Variants in TRDN observed in about 807,000 individuals in gnomAD.
The protein encoded by TRDN is triadin.
Under a neutral mutation model 149.7 loss-of-function variants are expected in TRDN, and 161 were observed. The ratio of observed to expected loss-of-function variants is 1.08; its 90% confidence interval spans 0.95 to 1.23. The LOEUF (loss-of-function observed/expected upper bound fraction) is 1.23. Ranked by LOEUF, TRDN falls within the 50% of genes most tolerant of loss-of-function variation. The probability of loss-of-function intolerance (pLI) is 0.00; values close to 1 mark genes in which losing one functional copy is unlikely to be tolerated. For missense variants in TRDN, 896 were observed against 823.5 expected, an observed-to-expected ratio of 1.09 and a Z score of -1.08; for synonymous variants, 294 against 250.5, an observed-to-expected ratio of 1.17 and a Z score of -1.64.
At chr6:123,317,633 C>T (rs995091274) in intron 23 of TRDN, among the ~76,000 whole-genome samples, 7 of 151,704 alleles carry the variant, frequency 4.6e-5, no homozygotes, top group Admixed American at 1.3e-4. Context: ...GTAGATACAC[C>T]CTATTTTAAT....
Position 123,222,978 on chromosome 6 carries a change from T to C in TRDN, c.2014+1115A>G, listed in dbSNP as rs1036160954. Among the ~76,000 whole-genome samples, 8 of 151,878 alleles carry C rather than the reference T, an allele frequency of 5.3e-5. No individual in the cohort carries two copies. The East Asian group carries it at 7.8e-4, about 15-fold the overall frequency. The stretch of plus-strand genomic sequence containing the variant: ...CTCACACCAGTAAGCATGGCTATTA[T>C]GAAAAAGTCAAAAAATAACATATGT... On this transcript the variant is annotated intron_variant, in intron 39 of 40. Coordinates refer to ENST00000334268, the MANE Select transcript of TRDN (RefSeq NM_006073.4).
At chr6:123,417,302 C>A (rs1041411274) in intron 12 of TRDN, among the ~76,000 whole-genome samples, 1 of 149,380 alleles carries the variant, frequency 6.7e-6, no homozygotes, top group East Asian at 1.9e-4. Context: ...GCCTAAAATC[C>A]TACAATATAA....
At chr6:123,561,417 C>T (rs1027933116) in intron 2 of TRDN, among the ~76,000 whole-genome samples, 1 of 152,114 alleles carries the variant, frequency 6.6e-6, no homozygotes, top group Admixed American at 6.6e-5. Context: ...GGTCTGTCCT[C>T]GGAATGCTAC....
intron 13 of TRDN, among the ~76,000 whole-genome samples, chr6:123,388,827 A>G (rs527873687): frequency 2.6e-5 from 4 of 152,170 alleles, no homozygotes; most frequent in Non-Finnish European, 5.9e-5. Context: ...GTGTAAATTC[A>G]TTTTAGATTT....
At chr6:123,351,619 T>TA in intron 21 of TRDN, 1 of 963,052 alleles carries the variant, frequency 1.0e-6, no homozygotes, top group Non-Finnish European at 1.2e-6. Context: ...TTCTTAACCT[T>TA]AGTTTACTTA....
chr6:123,360,415 C>T (rs187239796), intron 20 of TRDN, among the ~76,000 whole-genome samples: 1 of 152,236 alleles, frequency 6.6e-6, no homozygotes, highest in Admixed American at 6.5e-5. Context: ...AAATAAAGGC[C>T]AGTCATATGG....
chr6:123,321,722 A>G (rs1297431226), intron 23 of TRDN, among the ~76,000 whole-genome samples: 3 of 152,026 alleles, frequency 2.0e-5, no homozygotes, highest in Admixed American at 2.0e-4. Context: ...GCTTGACTTC[A>G]ATGTTTCAGA....
chr6:123,390,178 GCAACCTGA>G (rs1327251757), intron 13 of TRDN, among the ~76,000 whole-genome samples: 1 of 151,978 alleles, frequency 6.6e-6, no homozygotes, highest in Non-Finnish European at 1.5e-5. Context: ...CATCTAAAGG[GCAACCTGA>G]CAAAGGCCTT....
intron 24 of TRDN, among the ~76,000 whole-genome samples, chr6:123,299,084 T>C (rs982166582): frequency 6.6e-6 from 1 of 152,032 alleles, no homozygotes; most frequent in African/African-American, 2.4e-5. Context: ...ATTGTTAAGA[T>C]TTATTAAACT....
chr6:123,533,515 T>C (rs992576495), intron 4 of TRDN, among the ~76,000 whole-genome samples: 19 of 152,038 alleles, frequency 1.2e-4, no homozygotes, highest in Admixed American at 9.2e-4. Flanking sequence ...TTGTTGATCA[T>C]AGTAGGGTTT....
chr6:123,259,186 G>A (rs557210545), intron 35 of TRDN, among the ~76,000 whole-genome samples: 102 of 151,898 alleles, frequency 6.7e-4, no homozygotes, highest in African/African-American at 2.4e-3. Context: ...GCTAGCTTTC[G>A]AATTTGTTTG....
At chr6:123,589,018 A>G (rs1562410773) in intron 1 of TRDN, among the ~76,000 whole-genome samples, 1 of 152,136 alleles carries the variant, frequency 6.6e-6, no homozygotes, top group Non-Finnish European at 1.5e-5. Context: ...AATTAACAGG[A>G]CCCATGAAAA....
At chr6:123,356,481 T>G (rs998418860) in intron 20 of TRDN, among the ~76,000 whole-genome samples, 10 of 145,230 alleles carry the variant, frequency 6.9e-5, no homozygotes, top group Non-Finnish European at 1.1e-4. Context: ...TTTAGACCTA[T>G]GCCTCTAGGT....
At chr6:123,580,272 C>G (rs1783058533) in intron 1 of TRDN, among the ~76,000 whole-genome samples, 1 of 151,928 alleles carries the variant, frequency 6.6e-6, no homozygotes. Flanking sequence ...TTTCTACAAA[C>G]AGTAAATTGA....
intron 40 of TRDN, among the ~76,000 whole-genome samples, chr6:123,220,508 C>T (rs139132625): frequency 6.6e-6 from 1 of 151,650 alleles, no homozygotes; most frequent in Non-Finnish European, 1.5e-5. Context: ...TAATATTACT[C>T]AAAGTATCAT....
chr6:123,493,795 C>A (rs1778321254), intron 9 of TRDN, among the ~76,000 whole-genome samples: 1 of 152,186 alleles, frequency 6.6e-6, no homozygotes, highest in South Asian at 2.1e-4. Flanking sequence ...GTCAATGTCT[C>A]ACCACTTACA....
chr6:123,221,482 C>T lies in TRDN; in HGVS notation c.2050+5G>A. The T allele has an allele frequency of 6.4e-7, 1 of 1,551,422 alleles. No homozygotes were observed. Among genetic ancestry groups the T allele is most frequent in the Non-Finnish European group, 8.8e-7 (1 of 1,130,966 alleles). On this transcript the variant is annotated splice_donor_5th_base_variant and intron_variant, in intron 40 of 40. Coordinates refer to ENST00000334268, the MANE Select transcript of TRDN (RefSeq NM_006073.4). ...TTATTACTTTTAATCTCATTATAAA[C>T]TTACTTTTCTGCTTTGTGGGAGACA...
chr6:123,266,723 ATATAT>A (rs1310859935), intron 32 of TRDN, among the ~76,000 whole-genome samples: 3 of 72,524 alleles, frequency 4.1e-5, no homozygotes, highest in African/African-American at 1.0e-4. Context: ...AATATATATG[ATATAT>A]TATATATGTA....
rs1483937753 is a variant in TRDN, at chr6:123,528,889, T to C, written c.484+1617A>G. On this transcript the variant is annotated intron_variant, in intron 5 of 40. Transcript: ENST00000334268. ...CTACTTTCACTTTCTTAAGAAATAG[T>C]TACTTTTACAAAACATATTTGGTCT... is the stretch of plus-strand genomic sequence containing the variant. 2.9e-6 allele frequency: 3 copies of C among 1,035,378 alleles called. No homozygotes were observed. In the African/African-American group the frequency reaches 5.1e-5, roughly 17 times the overall value. 64.1% of individuals were successfully genotyped at this position (1,035,378 alleles called of 1,614,324 possible).
Sources: allele counts gnomAD v4.1 joint callset (sites outside exome capture counted in the v4.1 genomes callset), GRCh38; gene constraint gnomAD v4.1.1; transcripts MANE v1.5; gene names NCBI Gene and HGNC (gene_info 2026-07-23, HGNC 2026-07-21).